The following CHN2 variants were observed in gnomAD, a reference collection of about 807,000 sequenced individuals.
CHN2 encodes the protein beta-chimaerin.
A neutral mutation model predicts 56.3 loss-of-function variants in CHN2; 35 were observed. The ratio of observed to expected loss-of-function variants is 0.62; its 90% CI spans 0.47 to 0.82. The LOEUF is 0.82. CHN2 is among the 40% of genes least tolerant of loss of function. The probability of loss-of-function intolerance (pLI) is 0.00; values close to 1 mark genes in which losing one functional copy is unlikely to be tolerated. For synonymous variants in CHN2, 210 were observed against 212.8 expected, an observed-to-expected ratio of 0.99 and a Z score of 0.12; for missense variants, 491 against 580.5, an observed-to-expected ratio of 0.85 and a Z score of 1.58.
chr7:29,416,892 T>C (rs1803808821), intron 6 of CHN2, among the ~76,000 whole-genome samples: 1 of 152,200 alleles, frequency 6.6e-6, no homozygotes, highest in Admixed American at 6.5e-5. Flanking sequence ...TGATGCGACA[T>C]TTCCTCCCAT....
chr7:29,460,315 G>A (rs1444734341), intron 6 of CHN2, among the ~76,000 whole-genome samples: 1 of 150,632 alleles, frequency 6.6e-6, no homozygotes, highest in Non-Finnish European at 1.5e-5. Context: ...TCACCCTTTT[G>A]TAACAGTAGA....
intron 1 of CHN2, among the ~76,000 whole-genome samples, chr7:29,236,374 A>G (rs1253440908): frequency 6.6e-6 from 1 of 152,212 alleles, no homozygotes; most frequent in Non-Finnish European, 1.5e-5. Context: ...TTTGAAGCCC[A>G]TCTTTGTGAC....
intron 6 of CHN2, among the ~76,000 whole-genome samples, chr7:29,444,789 T>A (rs1783915801): frequency 6.6e-6 from 1 of 152,180 alleles, no homozygotes; most frequent in Admixed American, 6.5e-5. Context: ...TGCAGACAAC[T>A]TACCACACTA....
chr7:29,276,067 AC>A (rs1013380232), intron 1 of CHN2, among the ~76,000 whole-genome samples: 29 of 150,396 alleles, frequency 1.9e-4, no homozygotes, highest in Middle Eastern at 6.9e-3. Context: ...AAAAAAAAAA[AC>A]AAAACACGCA....
rs533615029 is a variant in CHN2 at position 29,263,783 on chromosome 7, C to T, written c.49+68793C>T. ...CCCATCTGAGATGTGAAGAGTGCCT[C>T]TGCCCGGCTGCGACCCCGTCTGGGA... On this transcript the variant is annotated intron_variant, in intron 1 of 12. Coordinates refer to ENST00000222792, the MANE Select transcript of CHN2 (RefSeq NM_004067.4). Among the ~76,000 whole-genome samples, 140 of 151,962 alleles carry T rather than the reference C, an allele frequency of 9.2e-4. 1 individual carries two copies. Among genetic ancestry groups the T allele is most frequent in the African/African-American group, 3.2e-3 (131 of 41,448 alleles).
At chr7:29,417,778 C>T (rs1221133401) in intron 6 of CHN2, among the ~76,000 whole-genome samples, 1 of 152,080 alleles carries the variant, frequency 6.6e-6, no homozygotes, top group Middle Eastern at 3.2e-3. Flanking sequence ...AGTTTATATG[C>T]TCTGGAAGGC....
intron 6 of CHN2, among the ~76,000 whole-genome samples, chr7:29,456,962 TCAGGC>T (rs1395788497): frequency 6.6e-6 from 1 of 151,748 alleles, no homozygotes; most frequent in Non-Finnish European, 1.5e-5. Flanking sequence ...CTCAACTCAT[TCAGGC>T]CACAGTCACA....
At chr7:29,246,509 T>G (rs1788089047) in intron 1 of CHN2, among the ~76,000 whole-genome samples, 1 of 152,090 alleles carries the variant, frequency 6.6e-6, no homozygotes, top group Admixed American at 6.6e-5. Flanking sequence ...GTGATGGGTT[T>G]GAAATGTGAT....
At chr7:29,219,363 A>G (rs1785595546) in intron 1 of CHN2, among the ~76,000 whole-genome samples, 1 of 152,226 alleles carries the variant, frequency 6.6e-6, no homozygotes, top group Admixed American at 6.5e-5. Context: ...TTAAAATGCT[A>G]ATAAGGGAGA....
chr7:29,399,198 C>G (rs1802006482), intron 5 of CHN2, among the ~76,000 whole-genome samples: 1 of 152,180 alleles, frequency 6.6e-6, no homozygotes, highest in Non-Finnish European at 1.5e-5. Context: ...GTTAGTGTTT[C>G]TACAGCCACC....
At chr7:29,479,901 T>C (rs963428625) in intron 6 of CHN2, 1 of 1,421,032 alleles carries the variant, frequency 7.0e-7, no homozygotes, top group African/African-American at 1.4e-5. Context: ...CCTTAAGAAA[T>C]AGCACAAAAC....
At chr7:29,234,249 G>A (rs1282898076) in intron 1 of CHN2, among the ~76,000 whole-genome samples, 1 of 144,002 alleles carries the variant, frequency 6.9e-6, no homozygotes, top group East Asian at 2.2e-4. Flanking sequence ...GCAGCAATAA[G>A]AAACTGATAT....
intron 5 of CHN2, 107 bp from the exon 6 acceptor site, chr7:29,400,436 G>A (rs1469408339): frequency 1.4e-5 from 15 of 1,109,394 alleles, no homozygotes; most frequent in Non-Finnish European, 2.0e-5. Flanking sequence ...GCTTAGCCCT[G>A]TGCCTGGGAT....
rs980579400 is a variant in CHN2 at position 29,250,963 on chromosome 7, G to A, written c.49+55973G>A. Among the ~76,000 whole-genome samples, 5 of 152,270 alleles carry A rather than the reference G, an allele frequency of 3.3e-5. 1 individual carries two copies. Among genetic ancestry groups the A allele is most frequent in the Non-Finnish European group, 7.4e-5 (5 of 68,018 alleles). On this transcript the variant is annotated intron_variant, in intron 1 of 12. Coordinates refer to ENST00000222792, the MANE Select transcript of CHN2 (RefSeq NM_004067.4). Reference sequence around the variant, plus strand: ...GACTTCAGGTGATCCACCCGCCTCAGCCTCCCAAAGTGGTGGGATTACAGG... The same window carrying A: ...GACTTCAGGTGATCCACCCGCCTCAACCTCCCAAAGTGGTGGGATTACAGG...
Position 29,194,960 on chromosome 7 carries a change from T to C in CHN2, c.19T>C (p.Ser7Pro). The C allele has an allele frequency of 6.3e-7, 1 of 1,583,838 alleles. No individual in the cohort carries two copies. Among genetic ancestry groups the C allele is most frequent in the East Asian group, 2.4e-5 (1 of 41,262 alleles). MAASSNSSLSGSSVSSD... is the reference protein window; with the variant it reads MAASSNPSLSGSSVSSD... ...CGCGGAGATGGCAGCGTCCAGCAAC[T>C]CCAGCCTGTCCGGCTCGTCGGTGTC... The change falls in exon 1 of 13, where the codon TCC becomes CCC. Residue 7 changes from serine to proline, a missense_variant. Ser to Pro is a moderately conservative substitution (Grantham distance 74, BLOSUM62 -1). Transcript: ENST00000222792.
intron 1 of CHN2, among the ~76,000 whole-genome samples, chr7:29,318,926 G>A (rs1183918242): frequency 6.6e-6 from 1 of 152,170 alleles, no homozygotes; most frequent in Non-Finnish European, 1.5e-5. Context: ...GCAGGGCTGT[G>A]CAGAGGTGCT....
intron 1 of CHN2, among the ~76,000 whole-genome samples, chr7:29,214,297 C>G (rs1434432177): frequency 1.3e-5 from 2 of 152,150 alleles, no homozygotes; most frequent in Non-Finnish European, 2.9e-5. Context: ...CAGCATCCCT[C>G]ACATTTTGTT....
chr7:29,468,697 C>T (rs912684577), intron 6 of CHN2, among the ~76,000 whole-genome samples: 3 of 152,108 alleles, frequency 2.0e-5, no homozygotes, highest in African/African-American at 4.8e-5. Context: ...ATCAGATTCC[C>T]CCGACTGCTG....
At chr7:29,204,717 G>A (rs1784402520) in intron 1 of CHN2, among the ~76,000 whole-genome samples, 1 of 152,148 alleles carries the variant, frequency 6.6e-6, no homozygotes, top group African/African-American at 2.4e-5. Context: ...TTTGTTCTCT[G>A]TGATGTTAAT....
Sources: gnomAD v4.1 joint callset for allele counts (sites outside exome capture counted in the v4.1 genomes callset) on GRCh38, gnomAD v4.1.1 for gene constraint, MANE v1.5 for transcripts, NCBI Gene and HGNC (gene_info 2026-07-23, HGNC 2026-07-21) for gene names.